B4GALT1: variants seen among roughly 807,000 people sequenced by gnomAD.
B4GALT1 encodes beta-1,4-galactosyltransferase 1.
A neutral mutation model predicts 34.9 loss-of-function variants in B4GALT1; 16 were observed. The ratio of observed to expected loss-of-function variants is 0.46; its 90% CI spans 0.31 to 0.70. The LOEUF (loss-of-function observed/expected upper bound fraction) is 0.70. Among genes scored for constraint, B4GALT1 ranks in the 30% least tolerant of loss-of-function variants. The pLI, the probability that B4GALT1 is intolerant of heterozygous loss-of-function variation, is 0.05. For missense variants in B4GALT1, 445 were observed against 530.5 expected (o/e 0.84, Z 1.58); for synonymous variants, 221 against 218.1 (o/e 1.01, Z -0.12).
the B4GALT1 span, chr9:33,174,180 T>C: frequency 6.5e-6 from 1 of 152,830 alleles, no homozygotes; most frequent in African/African-American, 2.4e-5. Context: ...ACCATCCTTT[T>C]CTTGGGGTTG....
At position 33,111,420 on chromosome 9, in the gene B4GALT1, C is replaced by T. The variant is rs1839861295; in HGVS notation, c.*2034G>A. 6.6e-6 allele frequency: 1 copy of T among 152,548 alleles called. No homozygotes were observed. Among genetic ancestry groups the T allele is most frequent in the Non-Finnish European group, 1.5e-5 (1 of 68,026 alleles). 9.4% of individuals were successfully genotyped at this position (152,548 alleles called of 1,614,324 possible). A position where few individuals can be genotyped will look rare whatever the true frequency, so the allele number is the denominator to read the frequency against. ...AGAGAGGCTTTCATTCTTCTTATTT[C>T]CCACAACTCCCTCTCAATGCAGTCA... is the stretch of plus-strand genomic sequence containing the variant. On this transcript the variant is annotated 3_prime_UTR_variant, in exon 6 of 6. Transcript: ENST00000379731.
chr9:33,137,517 G>A lies in B4GALT1; in HGVS notation c.413-2093C>T, dbSNP rs1375085081. ...CTCCCACCTCCCAGGGTGCCCTAAA[G>A]TGAGCAGGCACTGTGCTCTTCAGAG... On this transcript the variant is annotated intron_variant, in intron 1 of 5. Transcript: ENST00000379731. Among the ~76,000 whole-genome samples the A allele has an allele frequency of 2.0e-5, 3 of 152,182 alleles. No individual in the cohort carries two copies. The East Asian group carries it at 5.8e-4, about 29-fold the overall frequency.
At chr9:33,173,770 G>C in the B4GALT1 span, among the ~76,000 whole-genome samples, 1 of 152,100 alleles carries the variant, frequency 6.6e-6, no homozygotes, top group Non-Finnish European at 1.5e-5. Context: ...GACTGGCTAG[G>C]AATATTACAA....
At chr9:33,172,197 A>T (rs1482281291), upstream of B4GALT1, among the ~76,000 whole-genome samples, 1 of 152,162 alleles carries the variant, frequency 6.6e-6, no homozygotes, top group Non-Finnish European at 1.5e-5. Flanking sequence ...TGGTGACTTT[A>T]GGTCTCCCTG....
At chr9:33,166,608 C>G in intron 1 of B4GALT1, 150 bp downstream of exon 1, 8 of 1,042,750 alleles carry the variant, frequency 7.7e-6, no homozygotes, top group Non-Finnish European at 1.1e-5. Context: ...CCATCCAGTC[C>G]CAAGCCTCTG....
chr9:33,122,346 T>C (rs1288123368), intron 2 of B4GALT1, among the ~76,000 whole-genome samples: 2 of 151,920 alleles, frequency 1.3e-5, no homozygotes, highest in South Asian at 2.1e-4. Flanking sequence ...GGTGAGACTC[T>C]GCCTCTACAA....
At chr9:33,149,027 G>T (rs1235008156) in intron 1 of B4GALT1, among the ~76,000 whole-genome samples, 2 of 151,866 alleles carry the variant, frequency 1.3e-5, no homozygotes, top group East Asian at 3.9e-4. Context: ...TAATTAATAG[G>T]GAAAAAGGGT....
intron 4 of B4GALT1, 123 bp from the exon 5 acceptor site, chr9:33,114,001 C>G: frequency 1.1e-6 from 1 of 879,320 alleles, no homozygotes; most frequent in Non-Finnish European, 1.9e-6. Context: ...GCCCACAACC[C>G]AGCATCATGC....
chr9:33,164,588 G>A (rs1199585570), intron 1 of B4GALT1, among the ~76,000 whole-genome samples: 1 of 152,174 alleles, frequency 6.6e-6, no homozygotes, highest in Admixed American at 6.5e-5. Context: ...GCCAATTATA[G>A]TCCATTTAGA....
the B4GALT1 span, among the ~76,000 whole-genome samples, chr9:33,175,798 A>C: frequency 6.6e-6 from 1 of 152,146 alleles, no homozygotes; most frequent in East Asian, 1.9e-4. Context: ...CTGGATTTAG[A>C]CTCACTCTTT....
At chr9:33,109,510 T>C (rs955345541), downstream of B4GALT1, among the ~76,000 whole-genome samples, 2 of 152,230 alleles carry the variant, frequency 1.3e-5, no homozygotes, top group Non-Finnish European at 2.9e-5. Flanking sequence ...GTCAGAAGTA[T>C]AGGTCACAAC....
intron 1 of B4GALT1, among the ~76,000 whole-genome samples, chr9:33,138,740 C>T (rs1344450991): frequency 2.0e-5 from 3 of 152,146 alleles, no homozygotes. Flanking sequence ...TCACAGCCAA[C>T]AGAACATGGC....
downstream of B4GALT1, among the ~76,000 whole-genome samples, chr9:33,109,266 G>A (rs1648261512): frequency 6.6e-6 from 1 of 152,234 alleles, no homozygotes. Flanking sequence ...CCAGATAGCT[G>A]AACACGTGGA....
At chr9:33,145,667 C>T (rs1840414857) in intron 1 of B4GALT1, among the ~76,000 whole-genome samples, 1 of 152,164 alleles carries the variant, frequency 6.6e-6, no homozygotes, top group Non-Finnish European at 1.5e-5. Flanking sequence ...CTCAAGAACA[C>T]CCTTGGATTG....
intron 1 of B4GALT1, among the ~76,000 whole-genome samples, chr9:33,161,537 G>A (rs1175818690): frequency 6.6e-6 from 1 of 152,174 alleles, no homozygotes. Context: ...AGGGACAGGA[G>A]GGACCCTGTG....
chr9:33,120,851 G>C (rs139315368), intron 2 of B4GALT1, among the ~76,000 whole-genome samples: 55 of 152,296 alleles, frequency 3.6e-4, no homozygotes, highest in African/African-American at 1.3e-3. Context: ...TGTCACTGTG[G>C]AATGTTCATC....
chr9:33,152,573 TAA>T, intron 1 of B4GALT1, among the ~76,000 whole-genome samples: 1 of 139,730 alleles, frequency 7.2e-6, no homozygotes, highest in Non-Finnish European at 1.6e-5. Context: ...AAAAAAGGGT[TAA>T]AAAAAAGAAA....
At chr9:33,184,716 T>G in the B4GALT1 span, among the ~76,000 whole-genome samples, 1 of 152,244 alleles carries the variant, frequency 6.6e-6, no homozygotes, top group Non-Finnish European at 1.5e-5. Context: ...AGATCACACT[T>G]TGAGCTGCAA....
chr9:33,130,323 T>G (rs142115324), intron 2 of B4GALT1, among the ~76,000 whole-genome samples: 206 of 152,244 alleles, frequency 1.4e-3, no homozygotes, highest in African/African-American at 4.7e-3. Context: ...AAATGCAGCA[T>G]GCATCCCTGT....
Sources: gnomAD v4.1 joint callset for allele counts (sites outside exome capture counted in the v4.1 genomes callset) on GRCh38, gnomAD v4.1.1 for gene constraint, MANE v1.5 for transcripts, NCBI Gene and HGNC (gene_info 2026-07-23, HGNC 2026-07-21) for gene names.